The following TENM2 variants were observed in gnomAD, a reference collection of about 807,000 sequenced individuals.
TENM2 encodes the protein teneurin-2.
TENM2 carries 52 observed loss-of-function variants against 245.2 expected under a neutral mutation model. That is an observed-to-expected ratio of 0.21 (90% CI 0.17 to 0.27). The LOEUF is 0.27. Ranked by LOEUF, TENM2 falls within the 10% of genes least tolerant of loss-of-function variation. TENM2 has a pLI of 1.00. For synonymous variants in TENM2, 1,363 were observed against 1,438.9 expected (o/e 0.95, Z 1.19); for missense variants, 3,046 against 3,666.8 (o/e 0.83, Z 4.37).
At chr5:167,378,487 T>C (rs935194262) in intron 2 of TENM2, among the ~76,000 whole-genome samples, 3 of 151,884 alleles carry the variant, frequency 2.0e-5, no homozygotes, top group Non-Finnish European at 2.9e-5. Context: ...GCTTCAAATA[T>C]ATAAAACTCT....
chr5:168,064,614 A>G (rs1790336923), intron 7 of TENM2, among the ~76,000 whole-genome samples: 1 of 152,234 alleles, frequency 6.6e-6, no homozygotes, highest in Non-Finnish European at 1.5e-5. Context: ...GCTACGCCAC[A>G]CTGTCCATCT....
At chr5:167,805,468 G>T (rs900902701) in intron 2 of TENM2, among the ~76,000 whole-genome samples, 1 of 152,082 alleles carries the variant, frequency 6.6e-6, no homozygotes, top group South Asian at 2.1e-4. Flanking sequence ...GTCCATGAGG[G>T]CACTTTGTTT....
intron 1 of TENM2, among the ~76,000 whole-genome samples, chr5:167,329,580 A>AAAAAAAG (rs1757312017): frequency 6.7e-6 from 1 of 148,518 alleles, no homozygotes; most frequent in Non-Finnish European, 1.5e-5. Flanking sequence ...AAAAAAAAAA[A>AAAAAAAG]GAGGTGGCAT....
chr5:167,514,811 G>A (rs1156665251), intron 2 of TENM2, among the ~76,000 whole-genome samples: 4 of 152,156 alleles, frequency 2.6e-5, no homozygotes, highest in African/African-American at 9.7e-5. Context: ...AGGAGTTCGA[G>A]ACCAGCCTGA....
chr5:167,835,870 A>C (rs1424938309), intron 2 of TENM2, among the ~76,000 whole-genome samples: 1 of 152,160 alleles, frequency 6.6e-6, no homozygotes, highest in African/African-American at 2.4e-5. Flanking sequence ...TTTTTAATGG[A>C]AACTAGGAGG....
At chr5:167,062,551 G>C in the TENM2 span, among the ~76,000 whole-genome samples, 4 of 151,702 alleles carry the variant, frequency 2.6e-5, no homozygotes, top group African/African-American at 9.7e-5. Flanking sequence ...GGAATTATAA[G>C]TATTGTATAA....
At position 167,872,548 on chromosome 5, in the gene TENM2, G is replaced by GAGAAAGAAAGAAAGAA. The variant is rs144381538; in HGVS notation, c.503-3418_503-3403dup. Among the ~76,000 whole-genome samples, 95 of 65,536 alleles carry GAGAAAGAAAGAAAGAA rather than the reference G, an allele frequency of 1.4e-3. 1 individual carries two copies. The highest frequency in any genetic ancestry group is 3.4e-3 in the Admixed American group (25 of 7,288). 43.0% of individuals were successfully genotyped at this position (65,536 alleles called of 152,430 possible). A position where few individuals can be genotyped will look rare whatever the true frequency, so the allele number is the denominator to read the frequency against. ...AGAAAGAAAGAAAGAAAGAAAGAAA[G>GAGAAAGAAAGAAAGAA]AGAAAGAAAGAAAGAAAGAAAGAAA... is the stretch of plus-strand genomic sequence containing the variant. On this transcript the variant is annotated intron_variant, in intron 2 of 28. Coordinates refer to ENST00000518659, the Ensembl canonical transcript of TENM2.
chr5:167,468,784 G>A (rs1436325908), intron 2 of TENM2, among the ~76,000 whole-genome samples: 2 of 152,110 alleles, frequency 1.3e-5, no homozygotes, highest in Non-Finnish European at 2.9e-5. Context: ...AATATGTGCT[G>A]TATGTATCCC....
At chr5:167,933,727 G>A (rs183755239) in intron 3 of TENM2, among the ~76,000 whole-genome samples, 2 of 152,118 alleles carry the variant, frequency 1.3e-5, no homozygotes, top group Admixed American at 1.3e-4. Context: ...CCAGGGATGG[G>A]ATGGCCTGGG....
chr5:167,186,776 A>C, the TENM2 span, among the ~76,000 whole-genome samples: 1 of 152,244 alleles, frequency 6.6e-6, no homozygotes, highest in African/African-American at 2.4e-5. Flanking sequence ...AGAATTAAAC[A>C]GATTGTGACT....
intron 23 of TENM2, among the ~76,000 whole-genome samples, chr5:168,222,021 T>C (rs1763714391): frequency 6.6e-6 from 1 of 152,174 alleles, no homozygotes; most frequent in Non-Finnish European, 1.5e-5. Flanking sequence ...GCGCTTGGCA[T>C]ATAGAAGTTT....
chr5:167,097,985 A>G, the TENM2 span, among the ~76,000 whole-genome samples: 3 of 152,204 alleles, frequency 2.0e-5, no homozygotes, highest in South Asian at 2.1e-4. Flanking sequence ...GTTACTTACC[A>G]TGAAAATGAT....
intron 1 of TENM2, among the ~76,000 whole-genome samples, chr5:167,374,905 T>A (rs1347063905): frequency 6.6e-6 from 1 of 152,052 alleles, no homozygotes; most frequent in African/African-American, 2.4e-5. Flanking sequence ...ACGTTCCGGG[T>A]TTTTTCAGCT....
intron 2 of TENM2, among the ~76,000 whole-genome samples, chr5:167,745,247 G>A (rs1021530925): frequency 6.6e-6 from 1 of 152,220 alleles, no homozygotes; most frequent in African/African-American, 2.4e-5. Context: ...GTCCAGGCCC[G>A]CATTTCTGCG....
At chr5:167,911,524 C>G (rs1776556665) in intron 3 of TENM2, among the ~76,000 whole-genome samples, 3 of 152,170 alleles carry the variant, frequency 2.0e-5, no homozygotes, top group Admixed American at 6.5e-5. Flanking sequence ...GAGACTCCGT[C>G]TCAAAAAACA....
chr5:167,451,268 CAGA>C (rs1765566876), intron 2 of TENM2, among the ~76,000 whole-genome samples: 2 of 152,132 alleles, frequency 1.3e-5, no homozygotes, highest in South Asian at 2.1e-4. Flanking sequence ...TGAGATTACT[CAGA>C]AGGAGCCTGT....
intron 2 of TENM2, among the ~76,000 whole-genome samples, chr5:167,497,593 A>G (rs1768899933): frequency 6.6e-6 from 1 of 152,076 alleles, no homozygotes; most frequent in African/African-American, 2.4e-5. Context: ...AGGTTAGGTA[A>G]TAACATTCTG....
At chr5:167,940,680 G>T (rs545559886) in intron 3 of TENM2, among the ~76,000 whole-genome samples, 1 of 152,292 alleles carries the variant, frequency 6.6e-6, no homozygotes, top group East Asian at 1.9e-4. Flanking sequence ...CTTATTTCTT[G>T]CAATATTTTC....
intron 2 of TENM2, among the ~76,000 whole-genome samples, chr5:167,862,810 C>T (rs981158710): frequency 6.6e-6 from 1 of 152,160 alleles, no homozygotes; most frequent in African/African-American, 2.4e-5. Context: ...AGGGCACAAC[C>T]TCACATGGAA....
Sources: allele counts gnomAD v4.1 joint callset (sites outside exome capture counted in the v4.1 genomes callset), GRCh38; gene constraint gnomAD v4.1.1; transcripts MANE v1.5; gene names NCBI Gene and HGNC (gene_info 2026-07-23, HGNC 2026-07-21).